CABCOCO1: variants seen among roughly 807,000 people sequenced by gnomAD.
CABCOCO1 encodes the protein ciliary-associated calcium-binding coiled-coil protein 1.
Under a neutral mutation model 35.7 loss-of-function variants are expected in CABCOCO1, and 28 were observed. The observed-to-expected ratio is 0.78, with a 90% CI of 0.58 to 1.07. CABCOCO1 has a LOEUF of 1.07. Among genes scored for constraint, CABCOCO1 ranks in the 50% least tolerant of loss-of-function variants. The probability of loss-of-function intolerance (pLI) is 0.00; values close to 1 mark genes in which losing one functional copy is unlikely to be tolerated. For missense variants in CABCOCO1, 326 were observed against 309.2 expected, an observed-to-expected ratio of 1.05 and a Z score of -0.41; for synonymous variants, 95 against 100.1, an observed-to-expected ratio of 0.95 and a Z score of 0.30.
chr10:61,751,086 T>G (rs1841772231), intron 5 of CABCOCO1, among the ~76,000 whole-genome samples: 1 of 151,360 alleles, frequency 6.6e-6, no homozygotes, highest in Non-Finnish European at 1.5e-5. Flanking sequence ...TCCAGGTGGA[T>G]GAGATGGCCT....
chr10:61,719,753 C>G (rs12258637), intron 5 of CABCOCO1, among the ~76,000 whole-genome samples: 1 of 151,924 alleles, frequency 6.6e-6, no homozygotes, highest in African/African-American at 2.4e-5. Flanking sequence ...AACCCCGTCT[C>G]TAACAGAAAT....
intron 5 of CABCOCO1, among the ~76,000 whole-genome samples, chr10:61,725,743 G>T (rs1427927148): frequency 6.6e-6 from 1 of 151,888 alleles, no homozygotes; most frequent in Non-Finnish European, 1.5e-5. Context: ...ATGTACCTTA[G>T]AACTTAAAGT....
chr10:61,710,251 TGA>T (rs941023957), intron 5 of CABCOCO1, among the ~76,000 whole-genome samples: 5 of 110,700 alleles, frequency 4.5e-5, no homozygotes, highest in African/African-American at 1.9e-4. Context: ...TTTGTGTGTG[TGA>T]GTGTGTGTGT....
rs540943361 is a variant in CABCOCO1, at chr10:61,715,666, A to G, written c.552+25045A>G. Among the ~76,000 whole-genome samples the G allele has an allele frequency of 8.5e-5, 13 of 152,070 alleles. No individual in the cohort carries two copies. The East Asian group carries it at 1.7e-3, about 20-fold the overall frequency. Reference sequence around the variant, plus strand: ...TGGCTCGTACCGGTTGTTTCTTTCCATGTTTAGTGCTTCCTTCAGGAGCTC... The same window carrying G: ...TGGCTCGTACCGGTTGTTTCTTTCCGTGTTTAGTGCTTCCTTCAGGAGCTC... On this transcript the variant is annotated intron_variant, in intron 5 of 7. Transcript: ENST00000648843.
chr10:61,697,331 G>T (rs1379296126), intron 5 of CABCOCO1, among the ~76,000 whole-genome samples: 1 of 151,998 alleles, frequency 6.6e-6, no homozygotes, highest in Non-Finnish European at 1.5e-5. Flanking sequence ...ATGAAGTATA[G>T]TCACACTATA....
intron 5 of CABCOCO1, among the ~76,000 whole-genome samples, chr10:61,720,319 T>G (rs1320075151): frequency 6.6e-6 from 1 of 152,174 alleles, no homozygotes; most frequent in East Asian, 1.9e-4. Flanking sequence ...TTACAAATTT[T>G]AGCAGCTTTA....
chr10:61,682,484 G>T (rs1411358450), intron 3 of CABCOCO1, among the ~76,000 whole-genome samples: 1 of 152,176 alleles, frequency 6.6e-6, no homozygotes, highest in Admixed American at 6.5e-5. Flanking sequence ...GGTAGCAGTA[G>T]ACTCCTGAGC....
chr10:61,680,702 G>GTTATACATGTATAACATATATATT, intron 2 of CABCOCO1, among the ~76,000 whole-genome samples: 1 of 81,172 alleles, frequency 1.2e-5, no homozygotes, highest in Non-Finnish European at 2.3e-5. Flanking sequence ...ACATATATAT[G>GTTATACATGTATAACATATATATT]TTATACATGT....
intron 5 of CABCOCO1, among the ~76,000 whole-genome samples, chr10:61,742,050 T>G (rs1361663959): frequency 1.3e-5 from 2 of 152,084 alleles, no homozygotes; most frequent in East Asian, 3.9e-4. Flanking sequence ...TGGAACAGGA[T>G]AGTGGCGTGG....
intron 5 of CABCOCO1, among the ~76,000 whole-genome samples, chr10:61,758,253 G>T (rs919950256): frequency 2.6e-5 from 4 of 151,950 alleles, no homozygotes; most frequent in African/African-American, 7.3e-5. Flanking sequence ...TGATTCCCAT[G>T]TGCAGCTTAT....
intron 1 of CABCOCO1, among the ~76,000 whole-genome samples, chr10:61,663,447 G>A (rs1839071876): frequency 1.3e-5 from 2 of 151,176 alleles, no homozygotes; most frequent in African/African-American, 2.4e-5. Flanking sequence ...TTTTGAAATT[G>A]CTACTAATTT....
At position 61,720,917 on chromosome 10, in the gene CABCOCO1, C is replaced by CTTTTTTTTTTTTTTTT. The variant is rs71018996; in HGVS notation, c.552+30306_552+30321dup. On this transcript the variant is annotated intron_variant, in intron 5 of 7. Transcript: ENST00000648843. ...TGCTTTTTCTTCTTTTCTTTTCATT[C>CTTTTTTTTTTTTTTTT]TTTTTTTTTTTTTTTTTTTTTTTTT... Among the ~76,000 whole-genome samples, 21 of 65,974 alleles carry CTTTTTTTTTTTTTTTT rather than the reference C, an allele frequency of 3.2e-4. 4 individuals carry two copies. The highest frequency in any genetic ancestry group is 6.4e-4 in the South Asian group (1 of 1,560). 43.3% of individuals were successfully genotyped at this position (65,974 alleles called of 152,430 possible). A position where few individuals can be genotyped will look rare whatever the true frequency, so the allele number is the denominator to read the frequency against.
chr10:61,669,700 C>T (rs1051084912), intron 1 of CABCOCO1, among the ~76,000 whole-genome samples: 7 of 152,044 alleles, frequency 4.6e-5, no homozygotes, highest in African/African-American at 1.7e-4. Context: ...GAATGAGGCT[C>T]TAATATTAGG....
chr10:61,683,497 G>A (rs369238245), intron 3 of CABCOCO1, among the ~76,000 whole-genome samples: 1 of 151,884 alleles, frequency 6.6e-6, no homozygotes, highest in Non-Finnish European at 1.5e-5. Context: ...GGAGGCTGAG[G>A]CTGCAGTGAC....
chr10:61,766,742 A>T lies in CABCOCO1; in HGVS notation c.*729A>T, dbSNP rs974515306. ...ATAGATTGTAAAAATCTTAAATACA[A>T]ATCAAACTCATAGAGTTCCCAGAAT... On this transcript the variant is annotated 3_prime_UTR_variant, in exon 8 of 8. Coordinates refer to ENST00000648843, the MANE Select transcript of CABCOCO1 (RefSeq NM_001366906.2). The T allele has an allele frequency of 6.6e-6, 1 of 152,186 alleles. No individual in the cohort carries two copies. The highest frequency in any genetic ancestry group is 2.4e-5 in the African/African-American group (1 of 41,460). The allele number at this position is 152,186 out of a possible 1,614,324, so 9.4% of individuals were successfully genotyped here. A position where few individuals can be genotyped will look rare whatever the true frequency, so the allele number is the denominator to read the frequency against.
chr10:61,705,985 G>T (rs1840583320), intron 5 of CABCOCO1, among the ~76,000 whole-genome samples: 1 of 152,148 alleles, frequency 6.6e-6, no homozygotes, highest in South Asian at 2.1e-4. Flanking sequence ...TTATTTTTCA[G>T]TTAAGCAGCA....
At position 61,690,565 on chromosome 10, in the gene CABCOCO1, A is replaced by G. The variant is rs763663927; in HGVS notation, c.496A>G (p.Lys166Glu). ...ATATTTCAGCTTATTTCAACACTAC[A>G]AGCTATACGAGTTTATGTTCTACTC... is the stretch of plus-strand genomic sequence containing the variant. ...YLKISLFQHY[K>E]LYEFMFYSAR... The change falls in exon 5 of 8, where the codon AAG (lysine) becomes GAG (glutamate). Residue 166 changes from lysine (K) to glutamate (E), a missense_variant. By Grantham distance (56) the Lys-to-Glu change is moderately conservative (BLOSUM62 1). Coordinates refer to ENST00000648843, the MANE Select transcript of CABCOCO1 (RefSeq NM_001366906.2). The G allele has an allele frequency of 1.2e-6, 2 of 1,605,808 alleles. No individual in the cohort carries two copies. The highest frequency in any genetic ancestry group is 1.7e-5 in the Admixed American group (1 of 59,628).
intron 5 of CABCOCO1, among the ~76,000 whole-genome samples, chr10:61,704,651 A>G (rs1840551065): frequency 6.6e-6 from 1 of 152,202 alleles, no homozygotes; most frequent in Non-Finnish European, 1.5e-5. Context: ...GACCCACAGA[A>G]TTGTGTATTT....
intron 5 of CABCOCO1, among the ~76,000 whole-genome samples, chr10:61,722,761 G>A (rs950743142): frequency 1.3e-5 from 2 of 151,546 alleles, no homozygotes; most frequent in South Asian, 2.1e-4. Flanking sequence ...AAAAAAATAC[G>A]TAAATTAGAA....
Sources: allele counts gnomAD v4.1 joint callset (sites outside exome capture counted in the v4.1 genomes callset), GRCh38; gene constraint gnomAD v4.1.1; transcripts MANE v1.5; gene names NCBI Gene and HGNC (gene_info 2026-07-23, HGNC 2026-07-21).